The following VPS13D variants were observed in gnomAD, a reference collection of about 807,000 sequenced individuals.
The protein encoded by VPS13D is vacuolar protein sorting 13 homolog D.
A neutral mutation model predicts 461.9 loss-of-function variants in VPS13D; 187 were observed. The observed-to-expected ratio is 0.40, with a 90% confidence interval of 0.36 to 0.46. The LOEUF (loss-of-function observed/expected upper bound fraction) is 0.46. VPS13D is among the 20% of genes least tolerant of loss of function. The pLI is 0.60. For synonymous variants in VPS13D, 1,951 were observed against 1,986.3 expected (o/e 0.98, Z 0.47); for missense variants, 4,711 against 5,364.9 (o/e 0.88, Z 3.81).
chr1:12,318,039 T>C (rs1642935436), intron 30 of VPS13D, 33 bp from the exon 31 acceptor site: 3 of 1,574,600 alleles, frequency 1.9e-6, no homozygotes, highest in African/African-American at 2.7e-5. Context: ...GTTTCTTTTT[T>C]CCTATTTATT....
intron 67 of VPS13D, chr1:12,497,234 G>A: frequency 4.0e-6 from 1 of 250,100 alleles, no homozygotes; most frequent in South Asian, 6.3e-5. Flanking sequence ...CTGTTTCAGA[G>A]AGAAAACGGA....
In VPS13D at chr1:12,276,178, T is replaced by C; in HGVS notation, c.2590T>C (p.Tyr864His). ...CCTACAGTTAGAGCGTCGATTGATT[T>C]ATACTTCAGATCCCAAATATCCAGG... ...VHLQLERRLI[Y>H]TSDPKYPGAV... Residue 864 changes from tyrosine to histidine, a missense_variant, in exon 19 of 70, where the codon TAT becomes CAT. Transcript: ENST00000620676. This position sits in a 1 kb window ranked among gnomAD's most constrained non-coding sequence, Gnocchi z 4.5. 1 of 1,614,138 alleles carries C rather than the reference T, an allele frequency of 6.2e-7. No homozygotes were observed. The highest frequency in any genetic ancestry group is 8.5e-7 in the Non-Finnish European group (1 of 1,180,028).
At chr1:12,486,084 TGCCCAAAAA>T (rs1645793199) in intron 67 of VPS13D, among the ~76,000 whole-genome samples, 1 of 152,212 alleles carries the variant, frequency 6.6e-6, no homozygotes, top group African/African-American at 2.4e-5. Flanking sequence ...TCTCTTCCTT[TGCCCAAAAA>T]TCCAAGATAC....
At chr1:12,260,276 C>A (rs1362537007) in intron 10 of VPS13D, among the ~76,000 whole-genome samples, 1 of 151,926 alleles carries the variant, frequency 6.6e-6, no homozygotes, top group Non-Finnish European at 1.5e-5. Context: ...CCGCCCATCT[C>A]GGCCTCCCAA....
intron 67 of VPS13D, among the ~76,000 whole-genome samples, chr1:12,496,717 C>T (rs913696698): frequency 2.0e-5 from 3 of 152,244 alleles, no homozygotes; most frequent in African/African-American, 7.2e-5. Flanking sequence ...AAAGTACTTA[C>T]CAATTACCCT....
chr1:12,433,925 A>AGAGAGT (rs1042217359), intron 65 of VPS13D, among the ~76,000 whole-genome samples: 3 of 150,200 alleles, frequency 2.0e-5, no homozygotes, highest in Non-Finnish European at 4.4e-5. Flanking sequence ...GGGGAGAGAG[A>AGAGAGT]GAGAGTGAGA....
chr1:12,355,888 A>G lies in VPS13D; in HGVS notation c.9680-11A>G. On this transcript the variant is annotated splice_polypyrimidine_tract_variant and intron_variant, in intron 47 of 69. Transcript: ENST00000620676. ...AGAACTCTGAAAGTTAATAGTTTGTATCTTCTTTAGGGGTATCACTGGAGA... is the reference window on the plus strand; with the variant it reads ...AGAACTCTGAAAGTTAATAGTTTGTGTCTTCTTTAGGGGTATCACTGGAGA... 1 of 1,522,024 alleles carries G rather than the reference A, an allele frequency of 6.6e-7. No homozygotes were observed. Among genetic ancestry groups the G allele is most frequent in the Non-Finnish European group, 8.8e-7 (1 of 1,129,968 alleles). 94.3% of individuals were successfully genotyped at this position (1,522,024 alleles called of 1,614,324 possible). A position where few individuals can be genotyped will look rare whatever the true frequency, so the allele number is the denominator to read the frequency against.
rs574544988 is a variant in VPS13D at position 12,425,628 on chromosome 1, A to C, written c.12333+8801A>C. Among the ~76,000 whole-genome samples the C allele has an allele frequency of 3.9e-5, 6 of 151,918 alleles. 1 individual carries two copies. In the South Asian group the frequency reaches 1.3e-3, roughly 32 times the overall value. On this transcript the variant is annotated intron_variant, in intron 65 of 69. Coordinates refer to ENST00000620676, the MANE Select transcript of VPS13D (RefSeq NM_015378.4). ...ATCATTTATTAACTCCTACATGTCG[A>C]ATATGGGCCTAGGATCTTTCCCTAT...
chr1:12,319,770 T>A, intron 32 of VPS13D, 140 bp downstream of exon 32: 1 of 1,271,834 alleles, frequency 7.9e-7, no homozygotes, highest in South Asian at 1.5e-5. Context: ...TTCCTCTTTG[T>A]TTTCTCCCCA....
chr1:12,242,621 T>A (rs1247325898), intron 3 of VPS13D, 31 bp downstream of exon 3: 1 of 1,592,314 alleles, frequency 6.3e-7, no homozygotes, highest in African/African-American at 1.3e-5. Flanking sequence ...GGGAAGAAAT[T>A]TGAGTCTTAA....
chr1:12,385,594 T>C (rs570022770), intron 59 of VPS13D, among the ~76,000 whole-genome samples: 10 of 152,362 alleles, frequency 6.6e-5, no homozygotes, highest in Admixed American at 2.6e-4. Context: ...GCTAAACTAT[T>C]ATTACAATAA....
intron 67 of VPS13D, among the ~76,000 whole-genome samples, chr1:12,468,443 C>A (rs1356414956): frequency 6.6e-6 from 1 of 152,182 alleles, no homozygotes; most frequent in African/African-American, 2.4e-5. Context: ...AGTTCAGCTC[C>A]CCTGCTCCCA....
At chr1:12,460,468 T>C in intron 67 of VPS13D, 72 bp downstream of exon 67, 1 of 1,315,610 alleles carries the variant, frequency 7.6e-7, no homozygotes, top group Non-Finnish European at 9.9e-7. Flanking sequence ...TCCATACTGA[T>C]GTGTTTAATT....
Position 12,362,777 on chromosome 1 carries a change from C to T in VPS13D, c.10199C>T (p.Ala3400Val), listed in dbSNP as rs750576380. The change falls in exon 51 of 70, where the codon GCC (alanine) becomes GTC (valine). Residue 3400 changes from alanine to valine, a missense_variant. Transcript: ENST00000620676. ...ATTGATACCTGCATGGTCATCTTTG[C>T]CCCCCGTTACCTGTTAGATAATAAA... The part of the protein sequence containing the change: ...RYIDTCMVIF[A>V]PRYLLDNKSS... 33 of 1,614,098 alleles carry T rather than the reference C, an allele frequency of 2.0e-5. No individual in the cohort carries two copies. The highest frequency in any genetic ancestry group is 2.7e-5 in the Non-Finnish European group (32 of 1,179,990).
chr1:12,470,894 A>G (rs960274243), intron 67 of VPS13D, among the ~76,000 whole-genome samples: 2 of 152,208 alleles, frequency 1.3e-5, no homozygotes, highest in African/African-American at 4.8e-5. Flanking sequence ...TTGAAAACAA[A>G]TAGTTATAGT....
At chr1:12,340,563 G>A (rs1643546441) in intron 40 of VPS13D, among the ~76,000 whole-genome samples, 1 of 152,224 alleles carries the variant, frequency 6.6e-6, no homozygotes, top group Non-Finnish European at 1.5e-5. Context: ...CAGAAGGCAG[G>A]ACATGTTGCA....
intron 65 of VPS13D, among the ~76,000 whole-genome samples, chr1:12,451,160 A>G (rs1645257979): frequency 6.6e-6 from 1 of 152,158 alleles, no homozygotes; most frequent in Non-Finnish European, 1.5e-5. Flanking sequence ...TCCAGTGTCT[A>G]CTTGAATTTC....
At chr1:12,467,326 C>G (rs553136552) in intron 67 of VPS13D, among the ~76,000 whole-genome samples, 19 of 152,296 alleles carry the variant, frequency 1.2e-4, no homozygotes, top group African/African-American at 4.3e-4. Context: ...CGCACGCCAC[C>G]TCGCCCAGCT....
At chr1:12,382,484 C>T (rs1333993791) in intron 57 of VPS13D, among the ~76,000 whole-genome samples, 1 of 152,178 alleles carries the variant, frequency 6.6e-6, no homozygotes, top group Non-Finnish European at 1.5e-5. Context: ...GAAACACCAT[C>T]TTTTGAGTAT....
Sources: gnomAD v4.1 joint callset for allele counts (sites outside exome capture counted in the v4.1 genomes callset) on GRCh38, gnomAD v4.1.1 for gene constraint, Gnocchi (gnomAD v3.1) non-coding constraint, MANE v1.5 for transcripts, NCBI Gene and HGNC (gene_info 2026-07-23, HGNC 2026-07-21) for gene names.